The following GRIN2A variants were observed in gnomAD, a reference collection of about 807,000 sequenced individuals.
GRIN2A encodes glutamate ionotropic receptor NMDA type subunit 2A.
Under a neutral mutation model 113.4 loss-of-function variants are expected in GRIN2A, and 22 were observed. That is an observed-to-expected ratio of 0.19 (90% confidence interval 0.14 to 0.28). The LOEUF is 0.28. GRIN2A is among the 10% of genes least tolerant of loss of function. The pLI, the probability that GRIN2A is intolerant of heterozygous loss-of-function variation, is 1.00. For synonymous variants in GRIN2A, 827 were observed against 738.4 expected (o/e 1.12, Z -1.94); for missense variants, 1,502 against 1,887.0 (o/e 0.80, Z 3.78).
rs2141126087 is a variant in GRIN2A at position 9,763,390 on chromosome 16, T to C, written c.4154A>G (p.Asp1385Gly). The C allele has an allele frequency of 6.2e-7, 1 of 1,614,086 alleles. No homozygotes were observed. The highest frequency in any genetic ancestry group is 8.5e-7 in the Non-Finnish European group (1 of 1,180,014). ...GGATGGCAACGAGTGTTTGTAAGGG[T>C]CCGAGGGGCATCTCCCAATAACCAA... ...QRLVIGRCPS[D>G]PYKHSLPSQA... Residue 1385 changes from aspartate (D) to glycine (G), a missense_variant, in exon 13 of 13, where the codon GAC becomes GGC. Physicochemically the swap from Asp to Gly is moderately conservative, Grantham distance 94. Coordinates refer to ENST00000330684, the MANE Select transcript of GRIN2A (RefSeq NM_001134407.3).
intron 9 of GRIN2A, among the ~76,000 whole-genome samples, chr16:9,825,209 AT>A (rs2042364107): frequency 6.6e-6 from 1 of 152,200 alleles, no homozygotes; most frequent in African/African-American, 2.4e-5. Context: ...AAACTGCGCC[AT>A]TTGGAGCAAC....
In GRIN2A at chr16:9,904,836, C is replaced by T. The variant is rs555885077; in HGVS notation, c.1008-13736G>A. ...CCATAACAACCACACAGCACTGTTG[C>T]GAAGTTTCATGGTGGCATCATGAGA... On this transcript the variant is annotated intron_variant, in intron 3 of 12. Coordinates refer to ENST00000330684, the MANE Select transcript of GRIN2A (RefSeq NM_001134407.3). Among the ~76,000 whole-genome samples the T allele has an allele frequency of 9.2e-5, 14 of 152,286 alleles. No individual in the cohort carries two copies. The South Asian group carries it at 1.9e-3, about 20-fold the overall frequency.
intron 4 of GRIN2A, among the ~76,000 whole-genome samples, chr16:9,858,304 T>G (rs2043002696): frequency 1.3e-5 from 2 of 152,318 alleles, no homozygotes; most frequent in Middle Eastern, 3.4e-3. Flanking sequence ...TTATTATGTA[T>G]CAGGCACCAT....
intron 2 of GRIN2A, among the ~76,000 whole-genome samples, chr16:9,985,724 G>A (rs960841698): frequency 3.3e-5 from 5 of 152,118 alleles, no homozygotes; most frequent in African/African-American, 1.2e-4. Context: ...GATGGTATGA[G>A]GTAGTGATGG....
intron 4 of GRIN2A, among the ~76,000 whole-genome samples, chr16:9,877,677 CCCTCT>C (rs2043397133): frequency 8.3e-6 from 1 of 120,346 alleles, no homozygotes; most frequent in South Asian, 3.4e-4. Flanking sequence ...CCCCTTCTTC[CCCTCT>C]CTCTTCCCCC....
chr16:10,063,129 A>T (rs775949999), intron 2 of GRIN2A, among the ~76,000 whole-genome samples: 28 of 152,214 alleles, frequency 1.8e-4, no homozygotes, highest in Non-Finnish European at 3.4e-4. Flanking sequence ...AGGAACAGAA[A>T]AACAAATACT....
rs945976320 is a variant in GRIN2A, at chr16:10,106,188, T to C, written c.414+73810A>G. Reference sequence around the variant, plus strand: ...ATGACCATTCTTATAAGTGAAAGAGTTTTTTTTTTTTGTTTGGGGAAGTGT... The same window carrying C: ...ATGACCATTCTTATAAGTGAAAGAGCTTTTTTTTTTTGTTTGGGGAAGTGT... On this transcript the variant is annotated intron_variant, in intron 2 of 12. Coordinates refer to ENST00000330684, the MANE Select transcript of GRIN2A (RefSeq NM_001134407.3). Among the ~76,000 whole-genome samples the C allele has an allele frequency of 1.6e-4, 9 of 58,056 alleles. No homozygotes were observed. In the South Asian group the frequency reaches 6.4e-3, roughly 41 times the overall value. The allele number at this position is 58,056 out of a possible 152,430, so 38.1% of individuals were successfully genotyped here.
intron 2 of GRIN2A, among the ~76,000 whole-genome samples, chr16:10,052,492 T>C (rs2047375697): frequency 6.6e-6 from 1 of 152,144 alleles, no homozygotes; most frequent in Non-Finnish European, 1.5e-5. Flanking sequence ...GCCCTGTCCT[T>C]AAGGAATCGC....
At chr16:9,825,817 C>G (rs1429666168) in intron 9 of GRIN2A, among the ~76,000 whole-genome samples, 1 of 152,092 alleles carries the variant, frequency 6.6e-6, no homozygotes, top group Non-Finnish European at 1.5e-5. Context: ...CAGCATGGCT[C>G]CTTGAGAACA....
At chr16:9,847,392 TAA>T (rs1004542015) in intron 5 of GRIN2A, among the ~76,000 whole-genome samples, 1 of 146,252 alleles carries the variant, frequency 6.8e-6, no homozygotes, top group African/African-American at 2.5e-5. Flanking sequence ...CTCTTGTCTC[TAA>T]AAAAAAAAAT....
At chr16:9,837,885 T>G (rs1418676650) in intron 7 of GRIN2A, among the ~76,000 whole-genome samples, 1 of 152,180 alleles carries the variant, frequency 6.6e-6, no homozygotes, top group Non-Finnish European at 1.5e-5. Context: ...CAACAAAGGT[T>G]ACAAAAATTG....
At chr16:10,126,601 T>C (rs1197414319) in intron 2 of GRIN2A, among the ~76,000 whole-genome samples, 2 of 152,226 alleles carry the variant, frequency 1.3e-5, no homozygotes, top group African/African-American at 4.8e-5. Context: ...TAGGGTGTTT[T>C]GTCTTTTTCT....
At chr16:10,083,523 C>G (rs899031860) in intron 2 of GRIN2A, among the ~76,000 whole-genome samples, 1 of 152,174 alleles carries the variant, frequency 6.6e-6, no homozygotes, top group South Asian at 2.1e-4. Flanking sequence ...ATGAGGCCCA[C>G]GTGCTTTCAC....
chr16:10,065,596 C>A lies in GRIN2A; in HGVS notation c.414+114402G>T, dbSNP rs781427513. 4.1e-4 allele frequency among the ~76,000 whole-genome samples: 62 copies of A among 152,306 alleles called. No individual in the cohort carries two copies. The Middle Eastern group carries it at 0.01, about 25-fold the overall frequency. On this transcript the variant is annotated intron_variant, in intron 2 of 12. Transcript: ENST00000330684. The stretch of plus-strand genomic sequence containing the variant: ...ATCTCTAAAATAGGGCTAATCATAG[C>A]TCCTACCTCATAAGGTTTTTAAAAG...
At chr16:10,088,065 T>C (rs950974839) in intron 2 of GRIN2A, among the ~76,000 whole-genome samples, 2 of 152,214 alleles carry the variant, frequency 1.3e-5, no homozygotes, top group African/African-American at 4.8e-5. Flanking sequence ...GTTCTCACCC[T>C]TTTGGAGACA....
chr16:9,886,112 G>A (rs982890224), intron 4 of GRIN2A, among the ~76,000 whole-genome samples: 3 of 152,208 alleles, frequency 2.0e-5, no homozygotes, highest in African/African-American at 7.2e-5. Flanking sequence ...AGTCAAGCCT[G>A]CTCCAGGACT....
At chr16:9,796,344 C>T (rs1320930347) in intron 11 of GRIN2A, among the ~76,000 whole-genome samples, 2 of 152,156 alleles carry the variant, frequency 1.3e-5, no homozygotes, top group African/African-American at 4.8e-5. Context: ...TGTTGTAATG[C>T]TGGAAATAAG....
chr16:9,930,457 C>A (rs530344863), intron 3 of GRIN2A, among the ~76,000 whole-genome samples: 1 of 152,282 alleles, frequency 6.6e-6, no homozygotes, highest in East Asian at 1.9e-4. Flanking sequence ...TTGTGTTCCT[C>A]TGGATTCTCT....
At chr16:10,096,940 C>T (rs2048305693) in intron 2 of GRIN2A, among the ~76,000 whole-genome samples, 1 of 152,132 alleles carries the variant, frequency 6.6e-6, no homozygotes, top group Admixed American at 6.5e-5. Context: ...GATCCCTTTC[C>T]CAGGTGTGAG....
Sources: allele counts gnomAD v4.1 joint callset (sites outside exome capture counted in the v4.1 genomes callset), GRCh38; gene constraint gnomAD v4.1.1; transcripts MANE v1.5; gene names NCBI Gene and HGNC (gene_info 2026-07-23, HGNC 2026-07-21).